The following HMGCLL1 variants were observed in gnomAD, a reference collection of about 807,000 sequenced individuals.
HMGCLL1 encodes 3-hydroxy-3-methylglutaryl-CoA lyase like 1, also known as 3-hydroxymethyl-3-methylglutaryl-CoA lyase, cytoplasmic.
In HMGCLL1, 36 loss-of-function variants were observed where a neutral mutation model predicts 39.1. The observed-to-expected ratio is 0.92, with a 90% CI of 0.71 to 1.22. HMGCLL1 has a LOEUF of 1.22. Ranked by LOEUF, HMGCLL1 falls within the 50% of genes most tolerant of loss-of-function variation. HMGCLL1 has a pLI of 0.00. For synonymous variants in HMGCLL1, 149 were observed against 144.0 expected (o/e 1.03, Z -0.25); for missense variants, 451 against 416.5 (o/e 1.08, Z -0.72).
chr6:55,529,001 G>C (rs937221187), intron 3 of HMGCLL1, among the ~76,000 whole-genome samples: 6 of 152,052 alleles, frequency 3.9e-5, no homozygotes, highest in African/African-American at 1.4e-4. Context: ...GTTATAAACT[G>C]AGAGACCAAT....
At chr6:55,631,440 GA>G in the HMGCLL1 span, among the ~76,000 whole-genome samples, 2 of 151,946 alleles carry the variant, frequency 1.3e-5, no homozygotes, top group East Asian at 3.9e-4. Flanking sequence ...TCCCCAGAAT[GA>G]AAAATAATGC....
At chr6:55,523,403 G>A (rs372173869) in intron 3 of HMGCLL1, among the ~76,000 whole-genome samples, 5 of 151,998 alleles carry the variant, frequency 3.3e-5, no homozygotes, top group East Asian at 3.9e-4. Flanking sequence ...GCAGTGAAAC[G>A]GTGTGAGATG....
At chr6:55,639,841 G>A in the HMGCLL1 span, among the ~76,000 whole-genome samples, 2 of 152,252 alleles carry the variant, frequency 1.3e-5, no homozygotes, top group Non-Finnish European at 1.5e-5. Flanking sequence ...CACTTTAGGA[G>A]GCTGAGGCGG....
chr6:55,489,336 T>C (rs1452721497), intron 7 of HMGCLL1, among the ~76,000 whole-genome samples: 1 of 151,828 alleles, frequency 6.6e-6, no homozygotes, highest in African/African-American at 2.4e-5. Context: ...ATTAATAAGA[T>C]GAGACATTTA....
chr6:55,633,342 A>AGTTTTTAGTT, the HMGCLL1 span, among the ~76,000 whole-genome samples: 1 of 151,878 alleles, frequency 6.6e-6, no homozygotes, highest in Non-Finnish European at 1.5e-5. Flanking sequence ...TGGTTGGGCT[A>AGTTTTTAGTT]GTTATTAGTT....
chr6:55,616,643 ATTTCC>A, the HMGCLL1 span, among the ~76,000 whole-genome samples: 3 of 152,124 alleles, frequency 2.0e-5, no homozygotes, highest in East Asian at 5.8e-4. Flanking sequence ...TGAACATAAA[ATTTCC>A]CACTGACCTT....
chr6:55,441,676 T>A lies in HMGCLL1; in HGVS notation c.796-2117A>T, dbSNP rs758917664. Among the ~76,000 whole-genome samples, 54 of 151,622 alleles carry A rather than the reference T, an allele frequency of 3.6e-4. 1 individual carries two copies. Among genetic ancestry groups the A allele is most frequent in the Non-Finnish European group, 2.1e-4 (14 of 67,928 alleles). Reference sequence around the variant, plus strand: ...TCCGAACTATTTTGAGTAGTATAAGTCATGTTTTTGTTTTGTTTTATTTTG... The same window carrying A: ...TCCGAACTATTTTGAGTAGTATAAGACATGTTTTTGTTTTGTTTTATTTTG... On this transcript the variant is annotated intron_variant, in intron 7 of 8. Transcript: ENST00000274901.
At chr6:55,565,399 C>T (rs879777524) in intron 1 of HMGCLL1, among the ~76,000 whole-genome samples, 1 of 151,992 alleles carries the variant, frequency 6.6e-6, no homozygotes, top group Non-Finnish European at 1.5e-5. Context: ...ATATAATTTT[C>T]CAGATTCCTA....
Position 55,454,991 on chromosome 6 carries a change from TC to T in HMGCLL1, c.796-15433del, listed in dbSNP as rs199556987. On this transcript the variant is annotated intron_variant, in intron 7 of 8. Coordinates refer to ENST00000274901, the MANE Select transcript of HMGCLL1 (RefSeq NM_001042406.2). ...CAGGCACAGTGGCTCAGGTCTGTGT[TC>T]CCAGCTACTGGGGAGACTGAGAGAA... 9.1e-3 allele frequency among the ~76,000 whole-genome samples: 1,269 copies of T among 138,716 alleles called. 13 individuals are homozygous for T. Among genetic ancestry groups the T allele is most frequent in the African/African-American group, 0.034 (1,198 of 34,766 alleles). The allele number at this position is 138,716 out of a possible 152,430, so 91.0% of individuals were successfully genotyped here. A position where few individuals can be genotyped will look rare whatever the true frequency, so the allele number is the denominator to read the frequency against.
At chr6:55,469,335 CT>C (rs1405984126) in intron 7 of HMGCLL1, among the ~76,000 whole-genome samples, 1 of 149,146 alleles carries the variant, frequency 6.7e-6, no homozygotes, top group Non-Finnish European at 1.5e-5. Flanking sequence ...TGCAGTGATC[CT>C]AAAGGTCACT....
chr6:55,524,073 T>A (rs543102568), intron 3 of HMGCLL1, among the ~76,000 whole-genome samples: 79 of 152,042 alleles, frequency 5.2e-4, no homozygotes, highest in African/African-American at 1.9e-3. Flanking sequence ...AATTTACATA[T>A]ATCAAAGTAT....
intron 7 of HMGCLL1, among the ~76,000 whole-genome samples, chr6:55,443,889 A>G (rs558773362): frequency 8.7e-4 from 133 of 152,286 alleles, no homozygotes; most frequent in African/African-American, 3.0e-3. Flanking sequence ...GTCAGGCTCA[A>G]AAGAAGACAT....
chr6:55,590,973 T>C, the HMGCLL1 span, among the ~76,000 whole-genome samples: 1 of 151,968 alleles, frequency 6.6e-6, no homozygotes, highest in South Asian at 2.1e-4. Context: ...TATTCGGAAG[T>C]AACAAGGAAG....
intron 6 of HMGCLL1, 88 bp downstream of exon 6, chr6:55,499,148 C>A (rs2127426320): frequency 9.8e-7 from 1 of 1,015,480 alleles, no homozygotes. Flanking sequence ...TCATGCTATG[C>A]AGATTCAATA....
At chr6:55,641,895 T>C in the HMGCLL1 span, among the ~76,000 whole-genome samples, 1 of 147,162 alleles carries the variant, frequency 6.8e-6, no homozygotes, top group Admixed American at 6.8e-5. Flanking sequence ...TATTTATTTA[T>C]TTATTTATTT....
the HMGCLL1 span, among the ~76,000 whole-genome samples, chr6:55,634,473 A>G: frequency 1.3e-5 from 2 of 152,148 alleles, no homozygotes; most frequent in Non-Finnish European, 2.9e-5. Flanking sequence ...AATTTAAGAC[A>G]AAGAGGAATT....
At chr6:55,482,952 T>C (rs1765821890) in intron 7 of HMGCLL1, among the ~76,000 whole-genome samples, 1 of 152,090 alleles carries the variant, frequency 6.6e-6, no homozygotes. Flanking sequence ...GAGCGATTGA[T>C]AGAACTCAAG....
intron 4 of HMGCLL1, among the ~76,000 whole-genome samples, chr6:55,514,719 T>C (rs554667171): frequency 6.6e-6 from 1 of 152,304 alleles, no homozygotes; most frequent in African/African-American, 2.4e-5. Context: ...TCCTGACTTC[T>C]ACAGCCATAC....
chr6:55,495,094 C>T (rs892989429), intron 7 of HMGCLL1, among the ~76,000 whole-genome samples: 3 of 152,108 alleles, frequency 2.0e-5, no homozygotes, highest in African/African-American at 7.2e-5. Context: ...AAAATGCCAT[C>T]GTATTTCAGT....
Sources: allele counts gnomAD v4.1 joint callset (sites outside exome capture counted in the v4.1 genomes callset), GRCh38; gene constraint gnomAD v4.1.1; transcripts MANE v1.5; gene names NCBI Gene and HGNC (gene_info 2026-07-23, HGNC 2026-07-21).